Variants in KNL1 observed in about 807,000 individuals in gnomAD.
The protein encoded by KNL1 is kinetochore scaffold 1, also known as outer kinetochore KNL1 complex subunit KNL1.
KNL1 carries 66 observed loss-of-function variants against 201.3 expected under a neutral mutation model. The ratio of observed to expected loss-of-function variants is 0.33; its 90% CI spans 0.27 to 0.40. The LOEUF (loss-of-function observed/expected upper bound fraction) is 0.40. Ranked by LOEUF, KNL1 falls within the 10% of genes least tolerant of loss-of-function variation. The probability of loss-of-function intolerance (pLI) is 1.00; values close to 1 mark genes in which losing one functional copy is unlikely to be tolerated. For synonymous variants in KNL1, 895 were observed against 899.2 expected, an observed-to-expected ratio of 1.00 and a Z score of 0.08; for missense variants, 2,815 against 2,690.5, an observed-to-expected ratio of 1.05 and a Z score of -1.02.
At chr15:40,609,229 G>A (rs1014722065) in intron 5 of KNL1, among the ~76,000 whole-genome samples, 5 of 140,042 alleles carry the variant, frequency 3.6e-5, no homozygotes, top group East Asian at 2.1e-4. Flanking sequence ...GCAACTTAGC[G>A]AGATCCCATC....
chr15:40,621,274 C>G lies in KNL1; in HGVS notation c.1010C>G (p.Ser337Cys). Residue 337 changes from serine to cysteine, a missense_variant, in exon 10 of 26, where the codon TCT (serine) becomes TGT (cysteine). Transcript: ENST00000399668. ...LQILPATGNF[S>C]EIENQTQNAM... ...ATCTTACCTGCAACAGGTAATTTTT[C>G]TGAAATAGAAAATCAAACTCAGAAT... is the stretch of plus-strand genomic sequence containing the variant. 1 of 1,613,852 alleles carries G rather than the reference C, an allele frequency of 6.2e-7. No individual in the cohort carries two copies. The highest frequency in any genetic ancestry group is 8.5e-7 in the Non-Finnish European group (1 of 1,179,922).
intron 17 of KNL1, chr15:40,650,028 C>T (rs763783342): frequency 7.6e-6 from 2 of 261,900 alleles, no homozygotes; most frequent in Non-Finnish European, 1.4e-5. Context: ...AGAGTAAGTG[C>T]CTAGTACATG....
chr15:40,606,296 G>T, intron 3 of KNL1, 97 bp from the exon 4 acceptor site: 1 of 713,122 alleles, frequency 1.4e-6, no homozygotes, highest in South Asian at 1.7e-5. Flanking sequence ...AGTTTTTAAT[G>T]AAAATTTTAG....
At chr15:40,658,036 G>A in intron 24 of KNL1, among the ~76,000 whole-genome samples, 1 of 152,102 alleles carries the variant, frequency 6.6e-6, no homozygotes, top group Non-Finnish European at 1.5e-5. Context: ...GGGAGGCCGA[G>A]GTGGGCGAAT....
intron 13 of KNL1, among the ~76,000 whole-genome samples, chr15:40,637,744 A>G (rs908311011): frequency 1.3e-5 from 2 of 152,212 alleles, no homozygotes; most frequent in African/African-American, 4.8e-5. Flanking sequence ...CAGATTATTT[A>G]AAATATTATA....
At chr15:40,649,611 A>T (rs530056656) in intron 17 of KNL1, among the ~76,000 whole-genome samples, 12 of 149,658 alleles carry the variant, frequency 8.0e-5, no homozygotes, top group African/African-American at 7.4e-5. Flanking sequence ...TTTATTTAAA[A>T]AAAAAAAAAG....
intron 14 of KNL1, 58 bp downstream of exon 14, chr15:40,641,085 T>C (rs1893216129): frequency 8.5e-7 from 1 of 1,171,182 alleles, no homozygotes; most frequent in Non-Finnish European, 1.3e-6. Flanking sequence ...AGTTAATAGT[T>C]TGTGTGGTAA....
At position 40,623,974 on chromosome 15, in the gene KNL1, CTAA is replaced by C. The variant is rs766619728; in HGVS notation, c.3713_3715del (p.Asn1238del). On this transcript the variant is annotated inframe_deletion, in exon 10 of 26. Coordinates refer to ENST00000399668, the MANE Select transcript of KNL1 (RefSeq NM_144508.5). ...CAAAAGCAACAACTCTTTGCTGCTA[CTAA>C]TAGAACTACTAATGAAATCATCAAA... 2.8e-5 allele frequency: 45 copies of C among 1,613,548 alleles called. No homozygotes were observed. Among genetic ancestry groups the C allele is most frequent in the Non-Finnish European group, 3.7e-5 (44 of 1,179,890 alleles).
intron 13 of KNL1, among the ~76,000 whole-genome samples, chr15:40,633,268 G>A (rs758279459): frequency 4.2e-5 from 6 of 142,634 alleles, no homozygotes; most frequent in African/African-American, 1.6e-4. Context: ...CTGAGGTCAC[G>A]CCACTGCGCT....
At chr15:40,594,878 G>A (rs1173902941) in intron 1 of KNL1, among the ~76,000 whole-genome samples, 1 of 152,198 alleles carries the variant, frequency 6.6e-6, no homozygotes, top group African/African-American at 2.4e-5. Context: ...AGTGCTGGCC[G>A]CACGTAACAG....
At chr15:40,638,804 TTTTC>T (rs1265196928) in intron 13 of KNL1, among the ~76,000 whole-genome samples, 8 of 150,800 alleles carry the variant, frequency 5.3e-5, no homozygotes, top group African/African-American at 1.7e-4. Flanking sequence ...CATTTCTTTT[TTTTC>T]TTTCTTTCTT....
In KNL1 at chr15:40,635,288, G is replaced by C. The variant is rs186316546; in HGVS notation, c.5683-5624G>C. Among the ~76,000 whole-genome samples, 1,287 of 151,894 alleles carry C rather than the reference G, an allele frequency of 8.5e-3. 11 individuals carry two copies. Among genetic ancestry groups the C allele is most frequent in the Middle Eastern group, 0.037 (11 of 294 alleles). On this transcript the variant is annotated intron_variant, in intron 13 of 25. Coordinates refer to ENST00000399668, the MANE Select transcript of KNL1 (RefSeq NM_144508.5). ...AGGATGGTCTCGATCTCCTGACCTC[G>C]TGATCTGCCCACCTCAGCCTCCCAA...
intron 13 of KNL1, among the ~76,000 whole-genome samples, 199 bp downstream of exon 13, chr15:40,629,570 C>G (rs2141732521): frequency 7.8e-6 from 1 of 128,874 alleles, no homozygotes; most frequent in Non-Finnish European, 1.6e-5. Context: ...GTGGCGCCAT[C>G]TCAGCTCACT....
chr15:40,649,854 A>G (rs1893501446), intron 17 of KNL1, among the ~76,000 whole-genome samples: 1 of 152,132 alleles, frequency 6.6e-6, no homozygotes, highest in Non-Finnish European at 1.5e-5. Flanking sequence ...TTGAGCTCTC[A>G]TGGCTCTTTT....
intron 3 of KNL1, 36 bp from the exon 4 acceptor site, chr15:40,606,357 C>T (rs1249405730): frequency 2.3e-6 from 3 of 1,291,890 alleles, no homozygotes; most frequent in Non-Finnish European, 3.4e-6. Context: ...ATAGATATGC[C>T]AGATTTTTTT....
intron 13 of KNL1, among the ~76,000 whole-genome samples, chr15:40,632,328 G>A (rs1196507486): frequency 6.6e-6 from 1 of 151,796 alleles, no homozygotes; most frequent in African/African-American, 2.4e-5. Flanking sequence ...ATAATTTTTT[G>A]TTGGGTGCCA....
chr15:40,616,595 G>C (rs1892352642), intron 8 of KNL1, among the ~76,000 whole-genome samples: 4 of 152,156 alleles, frequency 2.6e-5, no homozygotes. Flanking sequence ...TAAATGTCTT[G>C]AAAATCGTTA....
In KNL1 at chr15:40,605,160, C is replaced by T; in HGVS notation, c.75+11C>T. 1 of 1,420,896 alleles carries T rather than the reference C, an allele frequency of 7.0e-7. No homozygotes were observed. The allele number at this position is 1,420,896 out of a possible 1,614,324, so 88.0% of individuals were successfully genotyped here. A position where few individuals can be genotyped will look rare whatever the true frequency, so the allele number is the denominator to read the frequency against. On this transcript the variant is annotated intron_variant, in intron 3 of 25. Transcript: ENST00000399668. ...AGACGGCATTCTTCAGTAAGAAAGACTTTCTTGAATTAATAATTGTCAGCT... is the reference window on the plus strand; with the variant it reads ...AGACGGCATTCTTCAGTAAGAAAGATTTTCTTGAATTAATAATTGTCAGCT...
chr15:40,651,931 T>TG (rs1240894286), intron 20 of KNL1, 74 bp from the exon 21 acceptor site: 1 of 921,196 alleles, frequency 1.1e-6, no homozygotes, highest in Non-Finnish European at 1.7e-6. Flanking sequence ...TGGTACTGTT[T>TG]GGGTGGTATC....
Sources: gnomAD v4.1 joint callset for allele counts (sites outside exome capture counted in the v4.1 genomes callset) on GRCh38, gnomAD v4.1.1 for gene constraint, MANE v1.5 for transcripts, NCBI Gene and HGNC (gene_info 2026-07-23, HGNC 2026-07-21) for gene names.